The following CNTN5 variants were observed in gnomAD, a reference collection of about 807,000 sequenced individuals.
The protein encoded by CNTN5 is contactin-5.
In CNTN5, 77 loss-of-function variants were observed where a neutral mutation model predicts 129.1. The ratio of observed to expected loss-of-function variants is 0.60; its 90% CI spans 0.50 to 0.72. The LOEUF is 0.72. CNTN5 is among the 30% of genes least tolerant of loss of function. The pLI is 0.00. For synonymous variants in CNTN5, 509 were observed against 465.6 expected (o/e 1.09, Z -1.20); for missense variants, 1,478 against 1,328.8 (o/e 1.11, Z -1.75).
chr11:100,060,556 T>A (rs12283892), intron 9 of CNTN5, among the ~76,000 whole-genome samples: 11,646 of 152,028 alleles, frequency 0.077, 532 homozygotes, highest in East Asian at 0.19. Context: ...AACCCTTTGG[T>A]TTGACTCATT....
intron 9 of CNTN5, among the ~76,000 whole-genome samples, chr11:100,030,125 A>T (rs1941631475): frequency 6.6e-6 from 1 of 152,188 alleles, no homozygotes; most frequent in South Asian, 2.1e-4. Context: ...CTGTAATCCC[A>T]GCACTTTGGG....
chr11:99,242,243 T>G (rs1429149284), intron 1 of CNTN5, among the ~76,000 whole-genome samples: 1 of 152,146 alleles, frequency 6.6e-6, no homozygotes, highest in African/African-American at 2.4e-5. Context: ...GCTCATTAAT[T>G]TGGTATCAAT....
intron 1 of CNTN5, among the ~76,000 whole-genome samples, chr11:99,218,829 A>G (rs1186710819): frequency 6.6e-6 from 1 of 152,054 alleles, no homozygotes; most frequent in East Asian, 1.9e-4. Context: ...GGTGTATGGA[A>G]CTTCTAGGAT....
At chr11:99,763,584 T>A (rs1441379) in intron 3 of CNTN5, among the ~76,000 whole-genome samples, 71,926 of 151,576 alleles carry the variant, frequency 0.47, 17,526 homozygotes, top group Non-Finnish European at 0.55. Flanking sequence ...TATCTGAACA[T>A]GTTTTTAAAT....
chr11:99,140,895 T>C (rs1859479659), intron 1 of CNTN5, among the ~76,000 whole-genome samples: 2 of 39,794 alleles, frequency 5.0e-5, no homozygotes, highest in Admixed American at 3.5e-4. Context: ...TTCTATTTTC[T>C]AGTATTTTTT....
intron 8 of CNTN5, among the ~76,000 whole-genome samples, chr11:99,964,295 G>A (rs1050287862): frequency 6.6e-6 from 1 of 152,122 alleles, no homozygotes; most frequent in Non-Finnish European, 1.5e-5. Flanking sequence ...TTGGCTGTGG[G>A]TTTGTCATAG....
At chr11:99,213,772 C>T (rs530326663) in intron 1 of CNTN5, among the ~76,000 whole-genome samples, 42 of 152,004 alleles carry the variant, frequency 2.8e-4, no homozygotes, top group Non-Finnish European at 6.0e-4. Context: ...CTATTGTCTG[C>T]CTAACAGCTG....
intron 3 of CNTN5, among the ~76,000 whole-genome samples, chr11:99,732,176 G>C (rs1943556923): frequency 6.6e-6 from 1 of 152,160 alleles, no homozygotes; most frequent in Non-Finnish European, 1.5e-5. Flanking sequence ...GAAGTTGTTA[G>C]ACGCAGAGCC....
At chr11:100,093,165 C>T (rs558694232) in intron 13 of CNTN5, among the ~76,000 whole-genome samples, 2 of 152,232 alleles carry the variant, frequency 1.3e-5, no homozygotes, top group African/African-American at 4.8e-5. Context: ...CTATTTCCTT[C>T]TGCTAGTTCA....
intron 3 of CNTN5, among the ~76,000 whole-genome samples, chr11:99,817,342 C>T (rs1946620978): frequency 6.6e-6 from 1 of 152,200 alleles, no homozygotes; most frequent in African/African-American, 2.4e-5. Flanking sequence ...AAAGGAAGAC[C>T]TGGCGTAGTG....
intron 1 of CNTN5, among the ~76,000 whole-genome samples, chr11:99,273,709 G>A (rs963997481): frequency 3.3e-5 from 5 of 151,348 alleles, no homozygotes; most frequent in African/African-American, 1.2e-4. Context: ...TATGTCATTC[G>A]TTGTAATTTA....
intron 3 of CNTN5, among the ~76,000 whole-genome samples, chr11:99,601,943 C>T (rs1209796909): frequency 6.6e-6 from 1 of 152,152 alleles, no homozygotes; most frequent in Non-Finnish European, 1.5e-5. Flanking sequence ...CTTATATCTA[C>T]AAAATGCATA....
At chr11:99,422,024 C>A (rs140194945) in intron 2 of CNTN5, among the ~76,000 whole-genome samples, 4 of 152,272 alleles carry the variant, frequency 2.6e-5, no homozygotes, top group African/African-American at 9.6e-5. Flanking sequence ...GAATAATTAC[C>A]TTCTACCCTC....
intron 1 of CNTN5, among the ~76,000 whole-genome samples, chr11:99,159,222 A>G (rs1860477069): frequency 6.6e-6 from 1 of 152,246 alleles, no homozygotes; most frequent in African/African-American, 2.4e-5. Flanking sequence ...CAAGTTAGAC[A>G]TATTTTTAAA....
rs79698908 is a variant in CNTN5, at chr11:99,945,297, T to C, written c.674-11509T>C. Among the ~76,000 whole-genome samples, 424 of 152,198 alleles carry C rather than the reference T, an allele frequency of 2.8e-3. 1 individual carries two copies. Among genetic ancestry groups the C allele is most frequent in the Middle Eastern group, 6.8e-3 (2 of 292 alleles). On this transcript the variant is annotated intron_variant, in intron 7 of 24. Coordinates refer to ENST00000524871, the MANE Select transcript of CNTN5 (RefSeq NM_014361.4). ...TTACAGATATTTTAGTTCTGCATAA[T>C]GGATAATTTTTGCATGGTAAATTGG...
At chr11:99,359,444 C>A (rs1938943002) in intron 2 of CNTN5, among the ~76,000 whole-genome samples, 1 of 151,984 alleles carries the variant, frequency 6.6e-6, no homozygotes, top group Non-Finnish European at 1.5e-5. Flanking sequence ...TTTAGGGGGA[C>A]ACAAACATTC....
intron 2 of CNTN5, among the ~76,000 whole-genome samples, chr11:99,443,952 C>A (rs1163940612): frequency 6.6e-6 from 1 of 152,132 alleles, no homozygotes; most frequent in African/African-American, 2.4e-5. Context: ...AATCCCAGCA[C>A]TTTGGGAGGC....
chr11:99,991,347 GT>G (rs113920334), intron 8 of CNTN5, among the ~76,000 whole-genome samples: 57,473 of 151,750 alleles, frequency 0.38, 12,324 homozygotes, highest in African/African-American at 0.59. Flanking sequence ...GGTCCCTGTA[GT>G]TCCAGCTACT....
chr11:100,075,681 G>A, intron 13 of CNTN5, among the ~76,000 whole-genome samples: 1 of 152,090 alleles, frequency 6.6e-6, no homozygotes, highest in East Asian at 1.9e-4. Flanking sequence ...CCAGGTGTAG[G>A]ACAAATCACC....
Sources: gnomAD v4.1 joint callset for allele counts (sites outside exome capture counted in the v4.1 genomes callset) on GRCh38, gnomAD v4.1.1 for gene constraint, MANE v1.5 for transcripts, NCBI Gene and HGNC (gene_info 2026-07-23, HGNC 2026-07-21) for gene names.